The following GNAQ variants were observed in gnomAD, a reference collection of about 807,000 sequenced individuals.
The protein encoded by GNAQ is guanine nucleotide-binding protein G(q) subunit alpha.
In GNAQ, 8 loss-of-function variants were observed where a neutral mutation model predicts 43.9. That is an observed-to-expected ratio of 0.18 (90% CI 0.11 to 0.33). The LOEUF (loss-of-function observed/expected upper bound fraction) is 0.33. GNAQ is among the 10% of genes least tolerant of loss of function. The pLI is 1.00. For missense variants in GNAQ, 158 were observed against 450.8 expected, an observed-to-expected ratio of 0.35 and a Z score of 5.88; for synonymous variants, 155 against 170.7, an observed-to-expected ratio of 0.91 and a Z score of 0.71.
intron 2 of GNAQ, among the ~76,000 whole-genome samples, chr9:77,816,783 CA>C: frequency 6.6e-6 from 1 of 152,306 alleles, no homozygotes; most frequent in African/African-American, 2.4e-5. Context: ...ATGATGACAT[CA>C]TGGCCAAACT....
At chr9:77,819,535 CAAATGGT>C (rs976586463) in intron 2 of GNAQ, among the ~76,000 whole-genome samples, 2 of 152,044 alleles carry the variant, frequency 1.3e-5, no homozygotes, top group South Asian at 2.1e-4. Flanking sequence ...AGTAGAAAGC[CAAATGGT>C]AACTTCCACA....
chr9:77,738,967 A>G (rs1444592586), intron 5 of GNAQ, among the ~76,000 whole-genome samples: 2 of 152,190 alleles, frequency 1.3e-5, no homozygotes, highest in Non-Finnish European at 2.9e-5. Context: ...ATTATAAATA[A>G]CACTACAATT....
intron 1 of GNAQ, among the ~76,000 whole-genome samples, chr9:77,945,676 T>C (rs1822880999): frequency 1.3e-5 from 2 of 152,236 alleles, no homozygotes; most frequent in South Asian, 4.1e-4. Flanking sequence ...CATTCACAAT[T>C]CATTAAAGCT....
intron 1 of GNAQ, among the ~76,000 whole-genome samples, chr9:78,011,722 G>T (rs1447685645): frequency 6.6e-6 from 1 of 152,144 alleles, no homozygotes; most frequent in Non-Finnish European, 1.5e-5. Flanking sequence ...ATTCAAAACA[G>T]TGCCAAATCA....
At chr9:77,964,708 G>GA (rs1017296569) in intron 1 of GNAQ, among the ~76,000 whole-genome samples, 14 of 151,620 alleles carry the variant, frequency 9.2e-5, no homozygotes, top group Non-Finnish European at 1.6e-4. Context: ...TAACACATAA[G>GA]AAAAAAATCA....
chr9:77,930,425 AAT>A (rs1829132374), intron 1 of GNAQ, among the ~76,000 whole-genome samples: 1 of 152,212 alleles, frequency 6.6e-6, no homozygotes, highest in African/African-American at 2.4e-5. Context: ...CTCATTTACA[AAT>A]ATTTCCCCAA....
At chr9:77,998,858 G>A (rs1180069626) in intron 1 of GNAQ, among the ~76,000 whole-genome samples, 2 of 151,894 alleles carry the variant, frequency 1.3e-5, no homozygotes, top group African/African-American at 4.8e-5. Context: ...AGGCCAAGGC[G>A]GGCAGATCAC....
chr9:78,003,872 T>C (rs1823674206), intron 1 of GNAQ, among the ~76,000 whole-genome samples: 1 of 149,816 alleles, frequency 6.7e-6, no homozygotes, highest in Non-Finnish European at 1.5e-5. Context: ...ACTGCACTTG[T>C]AACACTTTGC....
chr9:77,880,129 T>C (rs1231330611), intron 2 of GNAQ, among the ~76,000 whole-genome samples: 1 of 152,176 alleles, frequency 6.6e-6, no homozygotes, highest in Non-Finnish European at 1.5e-5. Flanking sequence ...CAAGGAAGCT[T>C]GATGGCAATA....
intron 2 of GNAQ, among the ~76,000 whole-genome samples, chr9:77,905,059 T>G (rs2118174763): frequency 6.6e-6 from 1 of 152,298 alleles, no homozygotes; most frequent in Non-Finnish European, 1.5e-5. Context: ...TGTTCAGAAG[T>G]TAAGAATGGC....
chr9:77,891,999 C>G (rs1233991060), intron 2 of GNAQ, among the ~76,000 whole-genome samples: 1 of 152,094 alleles, frequency 6.6e-6, no homozygotes, highest in Non-Finnish European at 1.5e-5. Flanking sequence ...TTTTCAAAAG[C>G]CAAGATTCTG....
At chr9:77,732,589 CT>C (rs1437533916) in intron 5 of GNAQ, among the ~76,000 whole-genome samples, 1 of 152,176 alleles carries the variant, frequency 6.6e-6, no homozygotes. Flanking sequence ...TGGTAATGAA[CT>C]CCTGACCTCA....
chr9:77,899,894 C>A (rs1037248390), intron 2 of GNAQ, among the ~76,000 whole-genome samples: 2 of 152,140 alleles, frequency 1.3e-5, no homozygotes, highest in African/African-American at 4.8e-5. Context: ...TGATCCCTGC[C>A]GCCTCAAAAG....
intron 1 of GNAQ, among the ~76,000 whole-genome samples, chr9:78,017,797 G>A (rs1476138628): frequency 6.6e-6 from 1 of 152,124 alleles, no homozygotes; most frequent in Non-Finnish European, 1.5e-5. Flanking sequence ...TAGGTTTGGA[G>A]TTCAAAAATA....
chr9:77,950,359 G>A (rs140915063), intron 1 of GNAQ, among the ~76,000 whole-genome samples: 3 of 152,280 alleles, frequency 2.0e-5, no homozygotes, highest in Admixed American at 6.5e-5. Flanking sequence ...CTACATGGCT[G>A]TCACTACCTG....
At chr9:77,977,875 C>T (rs1823323761) in intron 1 of GNAQ, among the ~76,000 whole-genome samples, 1 of 152,104 alleles carries the variant, frequency 6.6e-6, no homozygotes, top group Non-Finnish European at 1.5e-5. Flanking sequence ...TGTCACCTTG[C>T]CCCAACTTAA....
At chr9:77,791,792 C>T (rs1826578407) in intron 5 of GNAQ, among the ~76,000 whole-genome samples, 1 of 152,142 alleles carries the variant, frequency 6.6e-6, no homozygotes, top group South Asian at 2.1e-4. Context: ...GAATCCATTC[C>T]TAGGTTTTTC....
chr9:77,971,651 T>C (rs1823238041), intron 1 of GNAQ, among the ~76,000 whole-genome samples: 1 of 152,256 alleles, frequency 6.6e-6, no homozygotes, highest in South Asian at 2.1e-4. Flanking sequence ...GAGCTATTTA[T>C]GACAGACACA....
intron 6 of GNAQ, among the ~76,000 whole-genome samples, chr9:77,722,530 T>A (rs1313488193): frequency 6.6e-6 from 1 of 151,806 alleles, no homozygotes; most frequent in Admixed American, 6.6e-5. Flanking sequence ...TCTAGCAAGA[T>A]AAACTAAAAA....
Sources: gnomAD v4.1 joint callset for allele counts (sites outside exome capture counted in the v4.1 genomes callset) on GRCh38, gnomAD v4.1.1 for gene constraint, MANE v1.5 for transcripts, NCBI Gene and HGNC (gene_info 2026-07-23, HGNC 2026-07-21) for gene names.